Variants in ADAMTSL1 observed in about 807,000 individuals in gnomAD.
The protein encoded by ADAMTSL1 is ADAMTS-like protein 1.
Under a neutral mutation model 201.8 loss-of-function variants are expected in ADAMTSL1, and 126 were observed. The ratio of observed to expected loss-of-function variants is 0.62; its 90% CI spans 0.54 to 0.72. The LOEUF is 0.72. ADAMTSL1 is among the 30% of genes least tolerant of loss of function. ADAMTSL1 has a pLI of 0.00. For synonymous variants in ADAMTSL1, 1,121 were observed against 903.4 expected, an observed-to-expected ratio of 1.24 and a Z score of -4.32; for missense variants, 2,679 against 2,277.8, an observed-to-expected ratio of 1.18 and a Z score of -3.59.
chr9:18,312,503 T>G (rs117876426), intron 2 of ADAMTSL1, among the ~76,000 whole-genome samples: 1 of 152,312 alleles, frequency 6.6e-6, no homozygotes, highest in East Asian at 1.9e-4. Flanking sequence ...GAACTTGAGT[T>G]GCTTTTGCCT....
intron 1 of ADAMTSL1, among the ~76,000 whole-genome samples, chr9:18,498,664 T>G (rs1005682794): frequency 2.6e-5 from 4 of 152,172 alleles, no homozygotes; most frequent in Non-Finnish European, 5.9e-5. Flanking sequence ...AACTCTGGCT[T>G]AACGAGATCT....
Position 18,696,842 on chromosome 9 carries a change from TATAAA to T in ADAMTSL1, c.1575-9900_1575-9896del, listed in dbSNP as rs1243265820. Among the ~76,000 whole-genome samples the T allele has an allele frequency of 4.9e-5, 7 of 142,904 alleles. No individual in the cohort carries two copies. In the South Asian group the frequency reaches 1.3e-3, roughly 27 times the overall value. 93.8% of individuals were successfully genotyped at this position (142,904 alleles called of 152,430 possible). ...GGTACAATCATAAGTCTCATGAAAA[TATAAA>T]ATAATCACATGTCAAAAATATTATT... On this transcript the variant is annotated intron_variant, in intron 13 of 28. Coordinates refer to ENST00000380548, the MANE Select transcript of ADAMTSL1 (RefSeq NM_001040272.6).
chr9:18,203,458 G>A (rs111698495), intron 2 of ADAMTSL1, among the ~76,000 whole-genome samples: 2,177 of 151,616 alleles, frequency 0.014, 62 homozygotes, highest in African/African-American at 0.049. Context: ...AGATTGACTA[G>A]TATAGAAAGG....
chr9:18,303,464 C>T (rs1833781759), intron 2 of ADAMTSL1, among the ~76,000 whole-genome samples: 1 of 152,154 alleles, frequency 6.6e-6, no homozygotes, highest in Non-Finnish European at 1.5e-5. Context: ...CTTCTGGCAG[C>T]ACAGGCAGTG....
At chr9:18,144,355 A>C (rs1158804216) in intron 1 of ADAMTSL1, among the ~76,000 whole-genome samples, 1 of 151,806 alleles carries the variant, frequency 6.6e-6, no homozygotes, top group African/African-American at 2.4e-5. Context: ...ACAGATGCCC[A>C]CCATCAAACC....
At chr9:17,975,934 A>G (rs534953966) in intron 1 of ADAMTSL1, among the ~76,000 whole-genome samples, 1 of 152,008 alleles carries the variant, frequency 6.6e-6, no homozygotes, top group South Asian at 2.1e-4. Flanking sequence ...ATTCTTTTGC[A>G]TGTGGATATC....
intron 1 of ADAMTSL1, among the ~76,000 whole-genome samples, chr9:18,013,320 G>C (rs139703743): frequency 2.0e-4 from 30 of 152,054 alleles, no homozygotes; most frequent in African/African-American, 7.0e-4. Context: ...CTCCAAATCA[G>C]ATGCTTTTTT....
intron 2 of ADAMTSL1, among the ~76,000 whole-genome samples, chr9:18,304,514 C>T (rs73428951): frequency 0.069 from 10,515 of 151,886 alleles, 1,172 homozygotes; most frequent in African/African-American, 0.24. Context: ...ATTAGTGGAG[C>T]AAAGGATTTT....
chr9:18,855,656 C>T (rs1022474238), intron 23 of ADAMTSL1, among the ~76,000 whole-genome samples: 4 of 152,174 alleles, frequency 2.6e-5, no homozygotes, highest in African/African-American at 9.7e-5. Context: ...GCTCATAAAA[C>T]ATCATTCTAT....
intron 2 of ADAMTSL1, among the ~76,000 whole-genome samples, chr9:18,291,968 T>C (rs1563864166): frequency 6.6e-6 from 1 of 151,998 alleles, no homozygotes; most frequent in Non-Finnish European, 1.5e-5. Context: ...ATTGTATCCA[T>C]AAGGTAATAA....
At chr9:18,879,753 C>A (rs1170991560) in intron 23 of ADAMTSL1, among the ~76,000 whole-genome samples, 2 of 152,140 alleles carry the variant, frequency 1.3e-5, no homozygotes, top group Non-Finnish European at 2.9e-5. Context: ...TGGAAAGATT[C>A]TGGCAGTTTT....
chr9:17,922,894 C>T (rs1460662863), intron 1 of ADAMTSL1, among the ~76,000 whole-genome samples: 2 of 152,164 alleles, frequency 1.3e-5, no homozygotes, highest in Non-Finnish European at 1.5e-5. Flanking sequence ...CACTCTGCAG[C>T]AGAGGAATGA....
intron 2 of ADAMTSL1, among the ~76,000 whole-genome samples, chr9:18,204,676 T>A (rs1008813288): frequency 6.6e-6 from 1 of 152,112 alleles, no homozygotes; most frequent in Non-Finnish European, 1.5e-5. Flanking sequence ...TGAAGACTGG[T>A]TGCCAGCAGC....
intron 14 of ADAMTSL1, among the ~76,000 whole-genome samples, chr9:18,713,569 C>G (rs929389495): frequency 1.1e-4 from 16 of 151,216 alleles, no homozygotes; most frequent in African/African-American, 3.6e-4. Flanking sequence ...TATATATGCA[C>G]CCAATACAGG....
rs565270291 is a variant in ADAMTSL1, at chr9:18,810,838, G to GC, written c.3806-6268dup. On this transcript the variant is annotated intron_variant, in intron 20 of 28. Transcript: ENST00000380548. ...TTCTTACTGCTAAGTACCACTAAAG[G>GC]CCCTGTACATTATATATAAAACACA... Among the ~76,000 whole-genome samples, 130 of 152,016 alleles carry GC rather than the reference G, an allele frequency of 8.6e-4. 1 individual carries two copies. Among genetic ancestry groups the GC allele is most frequent in the Middle Eastern group, 3.4e-3 (1 of 294 alleles).
At chr9:17,977,468 C>T (rs1818501182) in intron 1 of ADAMTSL1, among the ~76,000 whole-genome samples, 1 of 151,928 alleles carries the variant, frequency 6.6e-6, no homozygotes, top group Non-Finnish European at 1.5e-5. Context: ...ATTCAATCTC[C>T]TTACTCATTA....
At chr9:18,811,921 C>A (rs777284879) in intron 20 of ADAMTSL1, among the ~76,000 whole-genome samples, 1 of 151,898 alleles carries the variant, frequency 6.6e-6, no homozygotes, top group Non-Finnish European at 1.5e-5. Context: ...ATCTCAGAAA[C>A]AACAAAACTC....
intron 2 of ADAMTSL1, among the ~76,000 whole-genome samples, chr9:18,237,603 C>T (rs1830897341): frequency 6.6e-6 from 1 of 152,140 alleles, no homozygotes; most frequent in Non-Finnish European, 1.5e-5. Flanking sequence ...ATACTGACTG[C>T]CTCTGAGATA....
chr9:18,358,100 T>G (rs1194900174), intron 2 of ADAMTSL1, among the ~76,000 whole-genome samples: 3 of 152,182 alleles, frequency 2.0e-5, no homozygotes, highest in Non-Finnish European at 4.4e-5. Flanking sequence ...GTTACTTTGG[T>G]CAAGTCAGTT....
Sources: gnomAD v4.1 joint callset for allele counts (sites outside exome capture counted in the v4.1 genomes callset) on GRCh38, gnomAD v4.1.1 for gene constraint, MANE v1.5 for transcripts, NCBI Gene and HGNC (gene_info 2026-07-23, HGNC 2026-07-21) for gene names.